The following SGCZ variants were observed in gnomAD, a reference collection of about 807,000 sequenced individuals.
The protein encoded by SGCZ is zeta-sarcoglycan.
SGCZ carries 40 observed loss-of-function variants against 41.3 expected under a neutral mutation model. That is an observed-to-expected ratio of 0.97 (90% CI 0.75 to 1.26). The LOEUF is 1.26. Among genes scored for constraint, SGCZ ranks in the 50% most tolerant of loss-of-function variants. SGCZ has a pLI of 0.00. For missense variants in SGCZ, 552 were observed against 369.8 expected (o/e 1.49, Z -4.04); for synonymous variants, 206 against 137.5 (o/e 1.50, Z -3.49).
chr8:14,681,424 A>G (rs147742417), intron 1 of SGCZ, among the ~76,000 whole-genome samples: 1 of 152,220 alleles, frequency 6.6e-6, no homozygotes, highest in Non-Finnish European at 1.5e-5. Context: ...TTAGAAATAT[A>G]ATGTAAACCA....
chr8:14,143,112 C>A (rs1203440643), intron 5 of SGCZ, among the ~76,000 whole-genome samples: 1 of 151,614 alleles, frequency 6.6e-6, no homozygotes, highest in Non-Finnish European at 1.5e-5. Context: ...TAATATAACG[C>A]CAATTCAAAT....
intron 3 of SGCZ, among the ~76,000 whole-genome samples, chr8:14,295,408 G>T (rs927283794): frequency 2.0e-5 from 3 of 152,138 alleles, no homozygotes; most frequent in African/African-American, 7.2e-5. Context: ...TATAATTAAA[G>T]TAATGGTACA....
chr8:14,690,400 A>G (rs577860513), intron 1 of SGCZ: 14 of 152,180 alleles, frequency 9.2e-5, no homozygotes, highest in African/African-American at 3.4e-4. Context: ...GAGTTTGAAA[A>G]AGCTGCTGAG....
At chr8:14,219,325 A>G (rs1806107214) in intron 4 of SGCZ, among the ~76,000 whole-genome samples, 1 of 152,174 alleles carries the variant, frequency 6.6e-6, no homozygotes, top group African/African-American at 2.4e-5. Flanking sequence ...ACTACATCTG[A>G]GAAGTATGCT....
At chr8:15,107,850 G>A (rs181627658) in intron 1 of SGCZ, among the ~76,000 whole-genome samples, 115 of 152,216 alleles carry the variant, frequency 7.6e-4, no homozygotes, top group Non-Finnish European at 1.3e-3. Context: ...TCTCTTCTGA[G>A]ATCAATTTTG....
At chr8:14,355,265 C>A (rs1366084002) in intron 2 of SGCZ, among the ~76,000 whole-genome samples, 1 of 151,980 alleles carries the variant, frequency 6.6e-6, no homozygotes. Context: ...AAAACAGGAG[C>A]ACAATTTTTA....
chr8:14,361,600 T>C (rs1585406435), intron 2 of SGCZ, among the ~76,000 whole-genome samples: 1 of 152,306 alleles, frequency 6.6e-6, no homozygotes, highest in East Asian at 1.9e-4. Flanking sequence ...TTAAGGTTTT[T>C]AGCTTCCTTG....
intron 1 of SGCZ, chr8:14,853,523 A>G (rs1412595799): frequency 1.9e-6 from 1 of 529,288 alleles, no homozygotes. Context: ...GGTGACGGGG[A>G]GATTCTGAAG....
At chr8:14,273,432 C>T (rs572302386) in intron 3 of SGCZ, among the ~76,000 whole-genome samples, 2 of 152,170 alleles carry the variant, frequency 1.3e-5, no homozygotes, top group Non-Finnish European at 2.9e-5. Flanking sequence ...ACAAATATCC[C>T]TCAGATGGAC....
chr8:14,454,200 T>C (rs952147291), intron 2 of SGCZ, among the ~76,000 whole-genome samples: 3 of 152,166 alleles, frequency 2.0e-5, no homozygotes, highest in Admixed American at 6.5e-5. Flanking sequence ...TTCTAATATG[T>C]AGGTTAAGAA....
intron 2 of SGCZ, among the ~76,000 whole-genome samples, chr8:14,427,702 C>G (rs1352943876): frequency 6.6e-6 from 1 of 152,080 alleles, no homozygotes; most frequent in Non-Finnish European, 1.5e-5. Flanking sequence ...GGCAATCTCC[C>G]TATTAGCAGG....
chr8:14,250,921 A>G (rs1260717543), intron 3 of SGCZ, among the ~76,000 whole-genome samples: 1 of 152,038 alleles, frequency 6.6e-6, no homozygotes, highest in Non-Finnish European at 1.5e-5. Flanking sequence ...TAAGCTAGAG[A>G]TGTGTATGTT....
Position 14,087,505 on chromosome 8 carries a change from G to C in SGCZ, c.*2938C>G, listed in dbSNP as rs192134996. On this transcript the variant is annotated 3_prime_UTR_variant, in exon 8 of 8. Coordinates refer to ENST00000382080, the MANE Select transcript of SGCZ (RefSeq NM_139167.4). ...TTTGTTCCTTCCTGGCGTACACTGA[G>C]TATGAAGTTATTAAGATACGGGTAA... Among the ~76,000 whole-genome samples the C allele has an allele frequency of 5.9e-5, 9 of 151,492 alleles. No homozygotes were observed. Among genetic ancestry groups the C allele is most frequent in the Admixed American group, 2.6e-4 (4 of 15,150 alleles).
intron 1 of SGCZ, among the ~76,000 whole-genome samples, chr8:15,010,010 A>G (rs1284205579): frequency 6.6e-6 from 1 of 152,152 alleles, no homozygotes; most frequent in Non-Finnish European, 1.5e-5. Context: ...GTTTTTGGAG[A>G]AAATATGTGT....
intron 4 of SGCZ, among the ~76,000 whole-genome samples, chr8:14,186,753 A>G (rs1232433473): frequency 6.6e-6 from 1 of 152,186 alleles, no homozygotes; most frequent in Non-Finnish European, 1.5e-5. Flanking sequence ...GTTCAAACCT[A>G]AAAGTACTTT....
intron 2 of SGCZ, among the ~76,000 whole-genome samples, chr8:14,405,223 A>G (rs887970725): frequency 2.0e-5 from 3 of 152,214 alleles, no homozygotes; most frequent in South Asian, 2.1e-4. Context: ...AATATATGAC[A>G]TAGATTCATT....
chr8:14,747,242 C>T (rs1799361529), intron 1 of SGCZ, among the ~76,000 whole-genome samples: 1 of 152,172 alleles, frequency 6.6e-6, no homozygotes, highest in Non-Finnish European at 1.5e-5. Context: ...GGTGCTGAGT[C>T]GTGTGTGAAT....
At chr8:15,090,727 T>C (rs190320748) in intron 1 of SGCZ, among the ~76,000 whole-genome samples, 39 of 152,256 alleles carry the variant, frequency 2.6e-4, no homozygotes, top group African/African-American at 9.4e-4. Context: ...GTTAATGATG[T>C]GTGAGTCGAT....
intron 1 of SGCZ, among the ~76,000 whole-genome samples, chr8:14,949,471 A>G (rs1218904682): frequency 1.3e-5 from 2 of 152,178 alleles, no homozygotes; most frequent in Non-Finnish European, 2.9e-5. Context: ...ATTTCACTTC[A>G]CATGACTGAT....
Sources: gnomAD v4.1 joint callset for allele counts (sites outside exome capture counted in the v4.1 genomes callset) on GRCh38, gnomAD v4.1.1 for gene constraint, MANE v1.5 for transcripts, NCBI Gene and HGNC (gene_info 2026-07-23, HGNC 2026-07-21) for gene names.